Variants in CLEC16A observed in about 807,000 individuals in gnomAD.
The protein encoded by CLEC16A is C-type lectin domain containing 16A, also known as protein CLEC16A.
In CLEC16A, 51 loss-of-function variants were observed where a neutral mutation model predicts 109.5. That is an observed-to-expected ratio of 0.47 (90% CI 0.37 to 0.59). The LOEUF (loss-of-function observed/expected upper bound fraction) is 0.59, where lower values mean the gene tolerates loss of function less well. Ranked by LOEUF, CLEC16A falls within the 20% of genes least tolerant of loss-of-function variation. CLEC16A has a pLI of 0.00. For missense variants in CLEC16A, 1,339 were observed against 1,394.0 expected (o/e 0.96, Z 0.63); for synonymous variants, 673 against 564.2 (o/e 1.19, Z -2.73).
chr16:10,967,694 C>T (rs2146264838), intron 3 of CLEC16A, among the ~76,000 whole-genome samples: 1 of 152,322 alleles, frequency 6.6e-6, no homozygotes, highest in Admixed American at 6.5e-5. Context: ...TGCATTTTCT[C>T]CATTAACTCT....
chr16:11,121,685 G>A (rs1487870343), intron 20 of CLEC16A, among the ~76,000 whole-genome samples: 1 of 151,542 alleles, frequency 6.6e-6, no homozygotes, highest in East Asian at 1.9e-4. Context: ...TTCGAGACCA[G>A]CCTGGCCAAC....
intron 10 of CLEC16A, among the ~76,000 whole-genome samples, chr16:10,990,716 G>A (rs1488589932): frequency 1.3e-5 from 2 of 152,248 alleles, no homozygotes; most frequent in Non-Finnish European, 2.9e-5. Flanking sequence ...TGGGCTTGGG[G>A]CAGCCACAAG....
Position 11,166,532 on chromosome 16 carries a change from C to T in CLEC16A, c.2786C>T (p.Ser929Phe). Residue 929 changes from serine (S) to phenylalanine (F), a missense_variant, in exon 23 of 24, where the codon TCC becomes TTC. Ser to Phe is a radical substitution (Grantham distance 155, BLOSUM62 -2). Coordinates refer to ENST00000409790, the MANE Select transcript of CLEC16A (RefSeq NM_015226.3). ...SGGTSSSSTP[S>F]TAQSPADAPM... ...GGCACCAGCTCGTCCTCCACCCCCT[C>T]CACAGCCCAGAGTCCAGCAGGTATT... 1.2e-6 allele frequency: 2 copies of T among 1,605,448 alleles called. No individual in the cohort carries two copies. Among genetic ancestry groups the T allele is most frequent in the Non-Finnish European group, 1.7e-6 (2 of 1,177,714 alleles).
chr16:11,015,745 C>T (rs772890973), intron 11 of CLEC16A, among the ~76,000 whole-genome samples: 38 of 152,384 alleles, frequency 2.5e-4, no homozygotes, highest in Non-Finnish European at 4.6e-4. Context: ...GGGACAACTA[C>T]GTCACAAAGC....
At chr16:11,103,537 G>A (rs185706089) in intron 19 of CLEC16A, among the ~76,000 whole-genome samples, 10 of 152,250 alleles carry the variant, frequency 6.6e-5, no homozygotes, top group African/African-American at 1.2e-4. Context: ...CCAGGAATGC[G>A]CCATTGCACT....
At chr16:11,047,567 G>T in intron 17 of CLEC16A, 1 of 381,488 alleles carries the variant, frequency 2.6e-6, no homozygotes, top group Non-Finnish European at 4.7e-6. Context: ...GAATCAGGAT[G>T]ATTCTCTGCT....
chr16:11,169,945 C>G (rs949774800), intron 23 of CLEC16A, among the ~76,000 whole-genome samples: 3 of 151,890 alleles, frequency 2.0e-5, no homozygotes, highest in Non-Finnish European at 2.9e-5. Context: ...TCCTGCCACA[C>G]TCCGCCTCAC....
chr16:11,003,425 G>C, intron 11 of CLEC16A, 120 bp downstream of exon 11: 1 of 743,754 alleles, frequency 1.3e-6, no homozygotes. Context: ...CCAGTGATTC[G>C]ATTCCTACCT....
At chr16:11,107,236 C>A (rs934198421) in intron 19 of CLEC16A, among the ~76,000 whole-genome samples, 1 of 130,410 alleles carries the variant, frequency 7.7e-6, no homozygotes, top group Non-Finnish European at 1.6e-5. Flanking sequence ...CCCAGAAATG[C>A]CACCAGTACA....
intron 19 of CLEC16A, among the ~76,000 whole-genome samples, chr16:11,084,465 C>T (rs993518356): frequency 1.3e-5 from 2 of 152,058 alleles, no homozygotes; most frequent in Non-Finnish European, 2.9e-5. Context: ...AATGGAAATG[C>T]GAGTGGGTTA....
At chr16:10,979,986 C>T (rs748092267) in intron 9 of CLEC16A, among the ~76,000 whole-genome samples, 3 of 152,240 alleles carry the variant, frequency 2.0e-5, no homozygotes, top group South Asian at 2.1e-4. Flanking sequence ...AACTCCATGG[C>T]GACCCAGTTA....
At chr16:10,974,206 C>CT (rs775268104) in intron 7 of CLEC16A, among the ~76,000 whole-genome samples, 25 of 151,648 alleles carry the variant, frequency 1.6e-4, no homozygotes, top group Non-Finnish European at 2.1e-4. Context: ...CCATAAGGTG[C>CT]TTTTTTTTGC....
intron 10 of CLEC16A, among the ~76,000 whole-genome samples, chr16:11,000,752 AAATT>A (rs2044622726): frequency 6.6e-6 from 1 of 152,182 alleles, no homozygotes; most frequent in Non-Finnish European, 1.5e-5. Flanking sequence ...GGGCAAATAA[AAATT>A]AATGTTTATA....
At position 11,064,613 on chromosome 16, in the gene CLEC16A, C is replaced by A. The variant is rs576596475; in HGVS notation, c.2116+3591C>A. ...GCAACGTAGTGAGACCTTGTCTCTA[C>A]TAAAATCCAAAAAAATAGCCGGTTG... On this transcript the variant is annotated intron_variant, in intron 19 of 23. Coordinates refer to ENST00000409790, the MANE Select transcript of CLEC16A (RefSeq NM_015226.3). Among the ~76,000 whole-genome samples, 11 of 152,126 alleles carry A rather than the reference C, an allele frequency of 7.2e-5. No homozygotes were observed. The South Asian group carries it at 2.3e-3, about 32-fold the overall frequency.
intron 19 of CLEC16A, among the ~76,000 whole-genome samples, chr16:11,076,328 G>A (rs1011015082): frequency 1.5e-4 from 23 of 152,174 alleles, no homozygotes; most frequent in Non-Finnish European, 3.1e-4. Context: ...CTGCCCCACA[G>A]GGCTGCCAAA....
intron 9 of CLEC16A, among the ~76,000 whole-genome samples, chr16:10,980,571 C>G (rs2043266365): frequency 6.6e-6 from 1 of 152,064 alleles, no homozygotes; most frequent in Non-Finnish European, 1.5e-5. Context: ...GCCAACTGCC[C>G]ACAGCGGGAA....
At chr16:11,143,175 T>C (rs1421165558) in intron 22 of CLEC16A, among the ~76,000 whole-genome samples, 4 of 152,228 alleles carry the variant, frequency 2.6e-5, no homozygotes, top group South Asian at 4.1e-4. Context: ...GTTGGTGACC[T>C]GGTGAGCTTG....
At chr16:11,108,140 G>C (rs1373488284) in intron 19 of CLEC16A, among the ~76,000 whole-genome samples, 3 of 152,260 alleles carry the variant, frequency 2.0e-5, no homozygotes, top group African/African-American at 7.2e-5. Context: ...CCATCCTTCT[G>C]CTGGTCTGAA....
intron 19 of CLEC16A, among the ~76,000 whole-genome samples, chr16:11,090,967 G>C (rs1039443983): frequency 7.9e-5 from 12 of 152,022 alleles, no homozygotes; most frequent in African/African-American, 2.7e-4. Context: ...ACGGTGCCCA[G>C]CCTATTTTAA....
Sources: gnomAD v4.1 joint callset for allele counts (sites outside exome capture counted in the v4.1 genomes callset) on GRCh38, gnomAD v4.1.1 for gene constraint, MANE v1.5 for transcripts, NCBI Gene and HGNC (gene_info 2026-07-23, HGNC 2026-07-21) for gene names.